TASL: variants seen among roughly 807,000 people sequenced by gnomAD.
TASL encodes TLR adapter interacting with SLC15A4 on the lysosome.
In TASL, 6 loss-of-function variants were observed where a neutral mutation model predicts 12.9. That is an observed-to-expected ratio of 0.46 (90% CI 0.25 to 0.92). The LOEUF is 0.92. TASL is among the 40% of genes least tolerant of loss of function. The pLI is 0.17. For missense variants in TASL, 165 were observed against 212.8 expected, an observed-to-expected ratio of 0.78 and a Z score of 1.40; for synonymous variants, 85 against 79.3, an observed-to-expected ratio of 1.07 and a Z score of -0.38.
At chrX:30,570,442 C>A (rs1374458452) in intron 2 of TASL, among the ~76,000 whole-genome samples, 1 of 111,170 alleles carries the variant, frequency 9.0e-6, no homozygotes, top group East Asian at 2.8e-4. Flanking sequence ...AATTGATCAT[C>A]ACAAAAAAAC....
chrX:30,567,712 T>C (rs1297138754), intron 2 of TASL, among the ~76,000 whole-genome samples: 1 of 110,776 alleles, frequency 9.0e-6, no homozygotes, highest in Non-Finnish European at 1.9e-5. Context: ...AGTCAAGAAA[T>C]AATGCCCCAA....
chrX:30,569,735 G>A (rs5971502), intron 2 of TASL, among the ~76,000 whole-genome samples: 175 of 111,494 alleles, frequency 1.6e-3, no homozygotes, highest in Admixed American at 6.2e-3. Flanking sequence ...TATTCGGGCC[G>A]GGCACGGTGG....
At chrX:30,568,379 T>C (rs1022939768) in intron 2 of TASL, among the ~76,000 whole-genome samples, 2 of 111,480 alleles carry the variant, frequency 1.8e-5, no homozygotes, top group African/African-American at 6.5e-5. Context: ...TAACCTTTAT[T>C]TGGCCCTACA....
chrX:30,574,412 C>A (rs12014174), intron 2 of TASL, among the ~76,000 whole-genome samples: 6,226 of 111,711 alleles, frequency 0.056, 189 homozygotes, highest in African/African-American at 0.11. Context: ...GAAAAATTGA[C>A]ACGAGCAAAA....
At chrX:30,562,045 G>C (rs952109886) in intron 2 of TASL, among the ~76,000 whole-genome samples, 33 of 111,695 alleles carry the variant, frequency 3.0e-4, no homozygotes, top group African/African-American at 1.0e-3. Flanking sequence ...CCCCCACCTA[G>C]GCTTTAGCTA....
At chrX:30,573,918 A>G (rs984355831) in intron 2 of TASL, among the ~76,000 whole-genome samples, 2 of 111,579 alleles carry the variant, frequency 1.8e-5, no homozygotes, top group African/African-American at 3.3e-5. Context: ...ACTCCATCTC[A>G]AAAATAAAAA....
rs767504232 is a variant in TASL, at chrX:30,560,341, C to T, written c.15G>A (p.Gly5=). Reference sequence around the variant, plus strand: ...TCCAGTACTCAAGTCCACTGAGATACCCTTCTGACAGCATTCTGGAAAGAG... The same window carrying T: ...TCCAGTACTCAAGTCCACTGAGATATCCTTCTGACAGCATTCTGGAAAGAG... MLSE[G]YLSGLEYWND... The change falls in exon 3 of 3, where the codon GGG becomes GGA. Residue 5 remains glycine, a synonymous_variant. Transcript: ENST00000378962. The T allele has an allele frequency of 8.5e-7, 1 of 1,170,317 alleles. No homozygotes were observed. The highest frequency in any genetic ancestry group is 1.1e-6 in the Non-Finnish European group (1 of 871,012).
At position 30,560,236 on chromosome X, in the gene TASL, G is replaced by C. The variant is rs1263017396; in HGVS notation, c.120C>G (p.Thr40=). Residue 40 remains threonine (T), a synonymous_variant, in exon 3 of 3, where the codon ACC becomes ACG. Coordinates refer to ENST00000378962, the MANE Select transcript of TASL (RefSeq NM_025159.3). ...TTTCATCCACAGAGGAATAGGAAAGGGTAGCAACAGAATTTGTCTCCTCTT... is the reference window on the plus strand; with the variant it reads ...TTTCATCCACAGAGGAATAGGAAAGCGTAGCAACAGAATTTGTCTCCTCTT... The part of the protein sequence containing the change: ...EKEEETNSVA[T]LSYSSVDETQ... The C allele has an allele frequency of 3.3e-6, 4 of 1,208,806 alleles. No individual in the cohort carries two copies. Among genetic ancestry groups the C allele is most frequent in the Admixed American group, 2.2e-5 (1 of 45,622 alleles).
At chrX:30,569,209 A>T (rs1930551890) in intron 2 of TASL, among the ~76,000 whole-genome samples, 1 of 111,149 alleles carries the variant, frequency 9.0e-6, no homozygotes, top group East Asian at 2.8e-4. Flanking sequence ...AGGCTGTTGG[A>T]TTCATCCCAG....
intron 2 of TASL, among the ~76,000 whole-genome samples, chrX:30,575,990 T>C (rs1340927131): frequency 8.9e-6 from 1 of 111,954 alleles, no homozygotes; most frequent in African/African-American, 3.2e-5. Flanking sequence ...CATAATAGTA[T>C]TGTACTGATA....
Position 30,559,784 on chromosome X carries a change from G to T in TASL, c.572C>A (p.Thr191Lys). ...CAAGCTGCTTTTCTCTTTGATGCTT[G>T]TTATTCTCCAATAGGATGAGTACCG... The part of the protein sequence containing the change: ...IQRYSSYWRI[T>K]SIKEKSSLQM... The change falls in exon 3 of 3, where the codon ACA becomes AAA. Residue 191 changes from threonine (T) to lysine (K), a missense_variant. Thr to Lys is a moderately conservative substitution (Grantham distance 78). Coordinates refer to ENST00000378962, the MANE Select transcript of TASL (RefSeq NM_025159.3). 8.3e-7 allele frequency: 1 copy of T among 1,210,836 alleles called. No homozygotes were observed. The highest frequency in any genetic ancestry group is 1.1e-6 in the Non-Finnish European group (1 of 894,826).
At chrX:30,565,644 T>A (rs1442964098) in intron 2 of TASL, among the ~76,000 whole-genome samples, 3 of 110,022 alleles carry the variant, frequency 2.7e-5, no homozygotes, top group Non-Finnish European at 5.7e-5. Context: ...TAATTTAGTT[T>A]AAATTAATTT....
Position 30,560,379 on chromosome X carries a change from A to G in TASL, c.-1-23T>C, listed in dbSNP as rs760483716. On this transcript the variant is annotated intron_variant, in intron 2 of 2. Transcript: ENST00000378962. ...ATTCTGGAAAGAGAATTGATGAGTA[A>G]GAATGGGGAAAAAGAATACTGAAAT... 8.4e-6 allele frequency: 9 copies of G among 1,072,139 alleles called. No individual in the cohort carries two copies. In the Admixed American group the frequency reaches 2.8e-4, roughly 33 times the overall value. 88.4% of individuals were successfully genotyped at this position (1,072,139 alleles called of 1,213,427 possible).
chrX:30,571,258 G>GAGAAAGAAAGAAAGAA (rs1569306040), intron 2 of TASL, among the ~76,000 whole-genome samples: 2 of 11,888 alleles, frequency 1.7e-4, no homozygotes, highest in African/African-American at 5.7e-4. Context: ...GAAAGAAAGA[G>GAGAAAGAAAGAAAGAA]AAAGAAAGAA....
At chrX:30,571,286 G>T (rs867211720) in intron 2 of TASL, among the ~76,000 whole-genome samples, 4 of 64,892 alleles carry the variant, frequency 6.2e-5, no homozygotes, top group African/African-American at 2.8e-4. Context: ...AAGAAAGAAA[G>T]AAAGAAAGAA....
chrX:30,572,566 C>T (rs894387077), intron 2 of TASL, among the ~76,000 whole-genome samples: 1 of 112,049 alleles, frequency 8.9e-6, no homozygotes, highest in Non-Finnish European at 1.9e-5. Context: ...ATCCTTTGAA[C>T]TTATTCCTTC....
chrX:30,575,433 C>T (rs1241408381), intron 2 of TASL, among the ~76,000 whole-genome samples: 1 of 111,179 alleles, frequency 9.0e-6, no homozygotes, highest in Non-Finnish European at 1.9e-5. Context: ...TTTAAAAATA[C>T]CTGTTCCTTA....
intron 2 of TASL, among the ~76,000 whole-genome samples, chrX:30,567,104 T>C (rs896348410): frequency 1.9e-4 from 21 of 109,900 alleles, no homozygotes; most frequent in Admixed American, 9.8e-5. Flanking sequence ...GCTTGGGCAA[T>C]GTAGGGAGAT....
chrX:30,558,852 G>T lies in TASL; in HGVS notation c.*598C>A. On this transcript the variant is annotated 3_prime_UTR_variant, in exon 3 of 3. Transcript: ENST00000378962. ...ACGGGAGTCTCACTCTTGTTGCCCA[G>T]GCTGGAGTGCAATGGAGCGACCTCG... 9.0e-6 allele frequency: 1 copy of T among 110,751 alleles called. No homozygotes were observed. Among genetic ancestry groups the T allele is most frequent in the Non-Finnish European group, 1.9e-5 (1 of 52,788 alleles). 9.1% of individuals were successfully genotyped at this position (110,751 alleles called of 1,213,427 possible).
Sources: allele counts gnomAD v4.1 joint callset (sites outside exome capture counted in the v4.1 genomes callset), GRCh38; gene constraint gnomAD v4.1.1; transcripts MANE v1.5; gene names NCBI Gene and HGNC (gene_info 2026-07-23, HGNC 2026-07-21).